ITGB3BP: variants seen among roughly 807,000 people sequenced by gnomAD.
ITGB3BP encodes centromere protein R.
In ITGB3BP, 27 loss-of-function variants were observed where a neutral mutation model predicts 29.1. That is an observed-to-expected ratio of 0.93 (90% CI 0.68 to 1.28). The LOEUF is 1.28. Among genes scored for constraint, ITGB3BP ranks in the 50% most tolerant of loss-of-function variants. The pLI is 0.00. For missense variants in ITGB3BP, 192 were observed against 200.2 expected, an observed-to-expected ratio of 0.96 and a Z score of 0.25; for synonymous variants, 61 against 61.4, an observed-to-expected ratio of 0.99 and a Z score of 0.03.
chr1:63,453,174 G>A (rs183260654), intron 7 of ITGB3BP, among the ~76,000 whole-genome samples: 1 of 152,134 alleles, frequency 6.6e-6, no homozygotes, highest in African/African-American at 2.4e-5. Flanking sequence ...CCACATTGCT[G>A]TAAAGATTTG....
At chr1:63,527,566 C>CA (rs1557668036), upstream of ITGB3BP, among the ~76,000 whole-genome samples, 1 of 152,072 alleles carries the variant, frequency 6.6e-6, no homozygotes, top group Non-Finnish European at 1.5e-5. Flanking sequence ...TAAACCCTGG[C>CA]AAAAGATCCA....
At chr1:63,477,399 A>AGG (rs1645358900) in intron 4 of ITGB3BP, among the ~76,000 whole-genome samples, 2 of 152,312 alleles carry the variant, frequency 1.3e-5, no homozygotes, top group South Asian at 4.1e-4. Flanking sequence ...AAATTGAGGA[A>AGG]GGTATATTAA....
intron 1 of ITGB3BP, among the ~76,000 whole-genome samples, chr1:63,511,214 C>T (rs1267073935): frequency 6.6e-6 from 1 of 151,914 alleles, no homozygotes; most frequent in Non-Finnish European, 1.5e-5. Context: ...CAAATCAGAA[C>T]CACAATGAAA....
rs56370411 is a variant in ITGB3BP, at chr1:63,459,077, G to GA, written c.255-4110dup. On this transcript the variant is annotated intron_variant, in intron 4 of 8. Coordinates refer to ENST00000271002, the MANE Select transcript of ITGB3BP (RefSeq NM_014288.5). ...CCTAGTCTAAGCTGTCAGTACTATG[G>GA]AAAAAAAAAAAAGTCTCACAGTAGA... Among the ~76,000 whole-genome samples the GA allele has an allele frequency of 5.7e-3, 797 of 140,612 alleles. 3 individuals carry two copies. Among genetic ancestry groups the GA allele is most frequent in the African/African-American group, 0.015 (578 of 38,532 alleles). The allele number at this position is 140,612 out of a possible 152,430, so 92.2% of individuals were successfully genotyped here. A position where few individuals can be genotyped will look rare whatever the true frequency, so the allele number is the denominator to read the frequency against.
chr1:63,453,964 C>T lies in ITGB3BP; in HGVS notation c.438G>A (p.Val146=), dbSNP rs1263221895. ...TCTTTTCAAACAGTTTTTGTTTATT[C>T]ACTTTTGTCACTAAAAGAAGTAAAA... The part of the protein sequence containing the change: ...MQKTKELMTK[V]NKQKLFEKST... The change falls in exon 7 of 9, where the codon GTG becomes GTA. Residue 146 remains valine (V), a synonymous_variant. Transcript: ENST00000271002. 1.3e-6 allele frequency: 2 copies of T among 1,568,298 alleles called. No homozygotes were observed. Among genetic ancestry groups the T allele is most frequent in the Admixed American group, 1.7e-5 (1 of 57,912 alleles).
chr1:63,484,476 T>C (rs949355281), intron 3 of ITGB3BP, among the ~76,000 whole-genome samples: 5 of 152,144 alleles, frequency 3.3e-5, no homozygotes, highest in African/African-American at 1.2e-4. Context: ...AAATATTTTA[T>C]ACTTTCCATT....
At chr1:63,497,491 A>G (rs1645816932) in intron 2 of ITGB3BP, among the ~76,000 whole-genome samples, 1 of 152,204 alleles carries the variant, frequency 6.6e-6, no homozygotes, top group Non-Finnish European at 1.5e-5. Flanking sequence ...TAAAAGCACT[A>G]TAAACTTACA....
chr1:63,468,886 T>C (rs1035900411), intron 4 of ITGB3BP, among the ~76,000 whole-genome samples: 1 of 149,590 alleles, frequency 6.7e-6, no homozygotes, highest in Admixed American at 6.7e-5. Flanking sequence ...AATAAATAAA[T>C]AAATAAATAA....
intron 2 of ITGB3BP, among the ~76,000 whole-genome samples, chr1:63,493,088 A>ACACACGCGCGCGCGCG (rs372348238): frequency 6.7e-6 from 1 of 148,726 alleles, no homozygotes. Flanking sequence ...ACACACACAC[A>ACACACGCGCGCGCGCG]CGCGCGCGCG....
chr1:63,477,352 A>G (rs996628826), intron 4 of ITGB3BP, among the ~76,000 whole-genome samples: 1 of 152,204 alleles, frequency 6.6e-6, no homozygotes, highest in Non-Finnish European at 1.5e-5. Context: ...TTCCATGTAA[A>G]TGACTCCAAA....
chr1:63,452,495 T>G (rs3790865), intron 7 of ITGB3BP, among the ~76,000 whole-genome samples: 51,479 of 152,098 alleles, frequency 0.34, 8,936 homozygotes, highest in East Asian at 0.48. Flanking sequence ...CTAATCAAAT[T>G]ACACAACTAA....
chr1:63,447,595 TTG>T (rs1170039812), intron 7 of ITGB3BP: 1 of 499,292 alleles, frequency 2.0e-6, no homozygotes, highest in South Asian at 1.5e-5. Context: ...TTCACAGAGG[TTG>T]TGACATCTGA....
intron 2 of ITGB3BP, among the ~76,000 whole-genome samples, chr1:63,498,885 A>G (rs1401964335): frequency 6.6e-6 from 1 of 152,090 alleles, no homozygotes; most frequent in African/African-American, 2.4e-5. Flanking sequence ...AAATTATAAA[A>G]TCAGGAATGA....
At chr1:63,515,305 C>T (rs1193710519) in intron 1 of ITGB3BP, among the ~76,000 whole-genome samples, 1 of 152,108 alleles carries the variant, frequency 6.6e-6, no homozygotes, top group Non-Finnish European at 1.5e-5. Flanking sequence ...CTTTGTGGGT[C>T]TATTTCTGGA....
At chr1:63,522,373 T>C (rs1157769548) in intron 1 of ITGB3BP, among the ~76,000 whole-genome samples, 6 of 152,078 alleles carry the variant, frequency 3.9e-5, no homozygotes, top group Non-Finnish European at 8.8e-5. Flanking sequence ...CTAGAGGGGG[T>C]ACCTAAATCA....
rs1181604750 is a variant in ITGB3BP, at chr1:63,447,009, C to T, written c.485-153G>A. 8.4e-6 allele frequency: 5 copies of T among 595,538 alleles called. No homozygotes were observed. In the East Asian group the frequency reaches 1.4e-4, roughly 17 times the overall value. 36.9% of individuals were successfully genotyped at this position (595,538 alleles called of 1,614,324 possible). A position where few individuals can be genotyped will look rare whatever the true frequency, so the allele number is the denominator to read the frequency against. ...TAGCAGCTCTAAGGCTATAAATTCT[C>T]ATTTCAACATGCTATAGTTAGCCTG... is the stretch of plus-strand genomic sequence containing the variant. On this transcript the variant is annotated intron_variant, in intron 7 of 8. Transcript: ENST00000271002.
chr1:63,445,921 T>A (rs1187763147), intron 8 of ITGB3BP, among the ~76,000 whole-genome samples: 1 of 151,536 alleles, frequency 6.6e-6, no homozygotes, highest in Non-Finnish European at 1.5e-5. Context: ...TGTTTTTTCC[T>A]GAGACAGAGT....
intron 4 of ITGB3BP, among the ~76,000 whole-genome samples, chr1:63,476,167 A>G (rs1026410290): frequency 2.0e-5 from 3 of 151,006 alleles, no homozygotes; most frequent in African/African-American, 4.9e-5. Flanking sequence ...CCTGATAGAA[A>G]TACTTTTTTT....
chr1:63,523,460 C>G (rs758505517), upstream of ITGB3BP: 1 of 425,620 alleles, frequency 2.3e-6, no homozygotes, highest in African/African-American at 2.0e-5. Flanking sequence ...TCAGCGCTTC[C>G]TAGATTTCTA....
Sources: gnomAD v4.1 joint callset for allele counts (sites outside exome capture counted in the v4.1 genomes callset) on GRCh38, gnomAD v4.1.1 for gene constraint, MANE v1.5 for transcripts, NCBI Gene and HGNC (gene_info 2026-07-23, HGNC 2026-07-21) for gene names.